INTS1: variants seen among roughly 807,000 people sequenced by gnomAD.
INTS1 encodes the protein integrator complex subunit 1.
A neutral mutation model predicts 241.6 loss-of-function variants in INTS1; 137 were observed. The observed-to-expected ratio is 0.57, with a 90% CI of 0.49 to 0.65. The LOEUF (loss-of-function observed/expected upper bound fraction) is 0.65, where lower values mean the gene tolerates loss of function less well. Among genes scored for constraint, INTS1 ranks in the 30% least tolerant of loss-of-function variants. INTS1 has a pLI of 0.00. For synonymous variants in INTS1, 1,692 were observed against 1,337.8 expected (o/e 1.26, Z -5.78); for missense variants, 3,073 against 3,032.2 (o/e 1.01, Z -0.32).
Position 1,473,130 on chromosome 7 carries a change from C to G in INTS1, c.6012G>C (p.Gly2004=), listed in dbSNP as rs369573556. ...DLVMLKSLLA[G]LSLPSRDDRT... ...TGTCGTCCCTGCTGGGCAGGCTGAG[C>G]CCTGCAAGGAGGGATTTCAGCATCA... The change falls in exon 43 of 48, where the codon GGG becomes GGC. Residue 2004 remains glycine, a synonymous_variant. Transcript: ENST00000404767. 6.2e-7 allele frequency: 1 copy of G among 1,612,036 alleles called. No individual in the cohort carries two copies. Among genetic ancestry groups the G allele is most frequent in the Non-Finnish European group, 8.5e-7 (1 of 1,179,430 alleles).
intron 21 of INTS1, 60 bp from the exon 22 acceptor site, chr7:1,486,834 G>C: frequency 6.3e-7 from 1 of 1,599,966 alleles, no homozygotes; most frequent in Non-Finnish European, 8.5e-7. Flanking sequence ...TAGGACGTGG[G>C]GTGCGCGGCT....
chr7:1,490,309 A>G (rs904229918), intron 16 of INTS1, among the ~76,000 whole-genome samples: 2 of 152,130 alleles, frequency 1.3e-5, no homozygotes, highest in Non-Finnish European at 2.9e-5. Flanking sequence ...CTCTGCATAA[A>G]GGGACGCCCC....
At chr7:1,495,143 T>TGCAGCCCCAGCCTG (rs1782782912) in intron 13 of INTS1, among the ~76,000 whole-genome samples, 1 of 152,118 alleles carries the variant, frequency 6.6e-6, no homozygotes, top group Non-Finnish European at 1.5e-5. Flanking sequence ...TGCAGAGAAA[T>TGCAGCCCCAGCCTG]GCAGCCCCAG....
At chr7:1,498,305 C>T (rs1387758150) in intron 10 of INTS1, 107 bp downstream of exon 10, 1 of 1,499,208 alleles carries the variant, frequency 6.7e-7, no homozygotes, top group Non-Finnish European at 9.0e-7. Context: ...GGAGCATTCT[C>T]CCACGAAGCA....
At chr7:1,492,961 G>C in intron 16 of INTS1, 49 bp downstream of exon 16, 2 of 1,432,604 alleles carry the variant, frequency 1.4e-6, no homozygotes, top group East Asian at 2.3e-5. Flanking sequence ...AGTGGGGAGC[G>C]GGGCGCGGGC....
At position 1,481,405 on chromosome 7, in the gene INTS1, G is replaced by T; in HGVS notation, c.3787C>A (p.Gln1263Lys). Residue 1263 changes from glutamine to lysine, a missense_variant, in exon 28 of 48, where the codon CAG becomes AAG. Gln to Lys is a moderately conservative substitution (Grantham distance 53). Coordinates refer to ENST00000404767, the MANE Select transcript of INTS1 (RefSeq NM_001080453.3). The surrounding 1 kb of genome is among the most constrained non-coding windows in gnomAD (Gnocchi z 6.8). ...TGGGCCACTGCCTGGTCCAGGAACT[G>T]GAGGAGTTTGCTCATGCTGGACACG... ...IPVSSMSKLL[Q>K]FLDQAVAHDP... 1.9e-6 allele frequency: 3 copies of T among 1,613,006 alleles called. No individual in the cohort carries two copies. The highest frequency in any genetic ancestry group is 1.7e-6 in the Non-Finnish European group (2 of 1,179,776).
In INTS1 at chr7:1,487,125, G is replaced by A. The variant is rs369392208; in HGVS notation, c.2647-24C>T. Reference sequence around the variant, plus strand: ...GCCTGGGCAGGCGACAGTGGCGCCCGCTCAGCACCTTCCAGGCCCAACACC... The same window carrying A: ...GCCTGGGCAGGCGACAGTGGCGCCCACTCAGCACCTTCCAGGCCCAACACC... On this transcript the variant is annotated intron_variant, in intron 20 of 47. Coordinates refer to ENST00000404767, the MANE Select transcript of INTS1 (RefSeq NM_001080453.3). The A allele has an allele frequency of 4.9e-5, 76 of 1,537,788 alleles. 1 individual carries two copies. Among genetic ancestry groups the A allele is most frequent in the South Asian group, 2.9e-4 (24 of 84,036 alleles).
In INTS1 at chr7:1,470,669, G is replaced by A. The variant is rs1291950419; in HGVS notation, c.6481C>T (p.Arg2161Trp). The A allele has an allele frequency of 9.5e-6, 15 of 1,575,360 alleles. No individual in the cohort carries two copies. In the Admixed American group the frequency reaches 1.8e-4, roughly 19 times the overall value. The change falls in exon 48 of 48, where the codon CGG (arginine) becomes TGG (tryptophan). Residue 2161 changes from arginine to tryptophan, a missense_variant. By Grantham distance (101) the Arg-to-Trp change is moderately radical. Coordinates refer to ENST00000404767, the MANE Select transcript of INTS1 (RefSeq NM_001080453.3). ...CQEHAAVLLH[R>W]AFLVGMYGQM... is the part of the protein sequence containing the mutation. ...CCGTACATGCCCACCAGGAAGGCCC[G>A]GTGGAGCAGCACAGCCGCGTGCTCT...
chr7:1,500,046 T>C (rs534482651), intron 4 of INTS1, 25 bp from the exon 5 acceptor site: 1 of 1,609,132 alleles, frequency 6.2e-7, no homozygotes, highest in South Asian at 1.1e-5. Flanking sequence ...GCATGTCACG[T>C]GGGAGCTTCG....
Position 1,479,496 on chromosome 7 carries a change from C to G in INTS1, c.4263G>C (p.Leu1421=), listed in dbSNP as rs768378780. ...AGTGGCTACGGTGCATGGACATCAC[C>G]AGGGCACCGCCGTGTGGGGAGCTGA... ...TLLSSPHGGA[L]VMSMHRSHFL... is the part of the protein sequence containing the mutation. The change falls in exon 31 of 48, where the codon CTG becomes CTC. Residue 1421 remains leucine, a synonymous_variant. Coordinates refer to ENST00000404767, the MANE Select transcript of INTS1 (RefSeq NM_001080453.3). 1 of 1,573,624 alleles carries G rather than the reference C, an allele frequency of 6.4e-7. No homozygotes were observed. Among genetic ancestry groups the G allele is most frequent in the South Asian group, 1.2e-5 (1 of 85,560 alleles).
intron 2 of INTS1, among the ~76,000 whole-genome samples, chr7:1,503,475 T>C (rs1331767055): frequency 6.6e-6 from 1 of 152,168 alleles, no homozygotes; most frequent in South Asian, 2.1e-4. Flanking sequence ...ATAGGTGCTA[T>C]TACTCTAACT....
chr7:1,499,756 G>A, intron 5 of INTS1, 124 bp from the exon 6 acceptor site: 1 of 1,465,590 alleles, frequency 6.8e-7, no homozygotes, highest in Non-Finnish European at 9.1e-7. Flanking sequence ...GTGCAGCAGG[G>A]ACCGTGCCAT....
chr7:1,474,023 T>A (rs745845462), intron 41 of INTS1, 145 bp downstream of exon 41: 673 of 948,014 alleles, frequency 7.1e-4, no homozygotes, highest in Admixed American at 9.7e-4. Flanking sequence ...CTTCCCAGGG[T>A]GGGAGCTGGT....
At chr7:1,502,452 C>T (rs570291383) in intron 3 of INTS1, among the ~76,000 whole-genome samples, 15 of 152,164 alleles carry the variant, frequency 9.9e-5, no homozygotes, top group African/African-American at 3.1e-4. Flanking sequence ...CAACTGAAAA[C>T]AGGGAGGGGA....
Position 1,485,180 on chromosome 7 carries a change from G to C in INTS1, c.3179C>G (p.Pro1060Arg). ...GATCAGGTAGGCGCTGATGGTCTGG[G>C]GATCAGTCTCCATGTGGATTGCCTG... ...LQQAIHMETD[P>R]QTISAYLIYL... is the part of the protein sequence containing the mutation. The change falls in exon 24 of 48, where the codon CCC (proline) becomes CGC (arginine). Residue 1060 changes from proline (P) to arginine (R), a missense_variant. Pro to Arg is a moderately radical substitution (Grantham distance 103). Transcript: ENST00000404767. 1.9e-6 allele frequency: 3 copies of C among 1,600,696 alleles called. No homozygotes were observed. Among genetic ancestry groups the C allele is most frequent in the Non-Finnish European group, 2.5e-6 (3 of 1,179,634 alleles).
intron 19 of INTS1, 137 bp downstream of exon 19, chr7:1,487,623 G>A: frequency 1.6e-6 from 2 of 1,282,778 alleles, no homozygotes; most frequent in Non-Finnish European, 2.2e-6. Context: ...GGGACGCGGG[G>A]ACGGGGCTCC....
chr7:1,496,260 C>G lies in INTS1; in HGVS notation c.1607G>C (p.Arg536Pro). The stretch of plus-strand genomic sequence containing the variant: ...GACGTCGGTGATGTGCACCACGAAG[C>G]GCTCCTGCAGGTGCAGCACGGGGTC... ...PQYLEMEFKE[R>P]FVVHITDVLA... Residue 536 changes from arginine (R) to proline (P), a missense_variant, in exon 12 of 48, where the codon CGC becomes CCC. Transcript: ENST00000404767. The G allele has an allele frequency of 1.2e-6, 2 of 1,613,552 alleles. No individual in the cohort carries two copies. Among genetic ancestry groups the G allele is most frequent in the Non-Finnish European group, 8.5e-7 (1 of 1,179,700 alleles).
chr7:1,504,007 G>A lies in INTS1; in HGVS notation c.-41-6C>T, dbSNP rs375216634. 6.7e-3 allele frequency: 9,566 copies of A among 1,419,858 alleles called. 42 individuals are homozygous for A. The highest frequency in any genetic ancestry group is 8.5e-3 in the Non-Finnish European group (8,788 of 1,039,402). 88.0% of individuals were successfully genotyped at this position (1,419,858 alleles called of 1,614,324 possible). ...CCCGGCGGCTGCGGCGTCACCTGCGGAGGAGCCAGCGTGCGGTCATTCCTT... is the reference window on the plus strand; with the variant it reads ...CCCGGCGGCTGCGGCGTCACCTGCGAAGGAGCCAGCGTGCGGTCATTCCTT... On this transcript the variant is annotated splice_region_variant and splice_polypyrimidine_tract_variant and intron_variant, in intron 1 of 47. Transcript: ENST00000404767.
chr7:1,498,677 A>AC, intron 9 of INTS1, 30 bp downstream of exon 9: 2 of 1,024,088 alleles, frequency 2.0e-6, no homozygotes, highest in Non-Finnish European at 2.5e-6. Flanking sequence ...CTCCACCCGC[A>AC]CCCCCGCTCT....
Sources: gnomAD v4.1 joint callset for allele counts (sites outside exome capture counted in the v4.1 genomes callset) on GRCh38, gnomAD v4.1.1 for gene constraint, Gnocchi (gnomAD v3.1) non-coding constraint, MANE v1.5 for transcripts, NCBI Gene and HGNC (gene_info 2026-07-23, HGNC 2026-07-21) for gene names.